Variants in BTBD9 observed in about 807,000 individuals in gnomAD.
The protein encoded by BTBD9 is BTB/POZ domain-containing protein 9.
BTBD9 carries 49 observed loss-of-function variants against 64.3 expected under a neutral mutation model. The observed-to-expected ratio is 0.76, with a 90% CI of 0.61 to 0.97. The LOEUF is 0.97. Among genes scored for constraint, BTBD9 ranks in the 50% least tolerant of loss-of-function variants. The probability of loss-of-function intolerance (pLI) is 0.00; values close to 1 mark genes in which losing one functional copy is unlikely to be tolerated. For missense variants in BTBD9, 598 were observed against 762.1 expected (o/e 0.78, Z 2.53); for synonymous variants, 260 against 274.7 (o/e 0.95, Z 0.53).
chr6:38,600,297 A>G (rs1258537193), intron 1 of BTBD9, among the ~76,000 whole-genome samples: 1 of 152,192 alleles, frequency 6.6e-6, no homozygotes, highest in Non-Finnish European at 1.5e-5. Flanking sequence ...CTCCAGTAAA[A>G]CTATTTCTAG....
At chr6:38,239,681 T>C (rs1391368886) in intron 9 of BTBD9, among the ~76,000 whole-genome samples, 1 of 152,124 alleles carries the variant, frequency 6.6e-6, no homozygotes, top group Non-Finnish European at 1.5e-5. Flanking sequence ...AGATTAACCA[T>C]GACACATTTT....
At chr6:38,500,907 C>T (rs1263393568) in intron 6 of BTBD9, among the ~76,000 whole-genome samples, 1 of 152,120 alleles carries the variant, frequency 6.6e-6, no homozygotes, top group African/African-American at 2.4e-5. Context: ...GATATATCTG[C>T]AAAGGTTCTG....
At chr6:38,518,589 G>C (rs1773143871) in intron 6 of BTBD9, among the ~76,000 whole-genome samples, 2 of 152,168 alleles carry the variant, frequency 1.3e-5, no homozygotes, top group African/African-American at 4.8e-5. Context: ...AATGATGGCA[G>C]AGTCTAAAAA....
intron 6 of BTBD9, among the ~76,000 whole-genome samples, chr6:38,424,317 T>C (rs900800874): frequency 6.6e-6 from 1 of 151,874 alleles, no homozygotes; most frequent in African/African-American, 2.4e-5. Flanking sequence ...ATTCAGTTTA[T>C]AAGAAACAAA....
At chr6:38,478,783 G>A (rs1288161007) in intron 6 of BTBD9, among the ~76,000 whole-genome samples, 1 of 152,160 alleles carries the variant, frequency 6.6e-6, no homozygotes, top group African/African-American at 2.4e-5. Flanking sequence ...AAAACTCAGA[G>A]GAAACTCTGG....
chr6:38,398,584 AC>A (rs1188828796), intron 6 of BTBD9, among the ~76,000 whole-genome samples: 1 of 152,162 alleles, frequency 6.6e-6, no homozygotes, highest in Non-Finnish European at 1.5e-5. Flanking sequence ...TCCTCTGTCT[AC>A]CTGCTCACTG....
At chr6:38,271,520 A>G (rs1212458337) in intron 8 of BTBD9, among the ~76,000 whole-genome samples, 2 of 152,196 alleles carry the variant, frequency 1.3e-5, no homozygotes, top group East Asian at 3.8e-4. Flanking sequence ...AGGCATTGGT[A>G]AGCCATGGCC....
intron 9 of BTBD9, among the ~76,000 whole-genome samples, chr6:38,221,700 T>C (rs1172371012): frequency 6.6e-6 from 1 of 152,194 alleles, no homozygotes; most frequent in African/African-American, 2.4e-5. Flanking sequence ...GTAAGAGATA[T>C]GATCTCAAAA....
chr6:38,214,494 C>T (rs370511149), intron 9 of BTBD9, among the ~76,000 whole-genome samples: 21 of 152,194 alleles, frequency 1.4e-4, no homozygotes, highest in African/African-American at 4.6e-4. Context: ...GATGCCAAGA[C>T]AGGCAGGGGG....
intron 7 of BTBD9, among the ~76,000 whole-genome samples, chr6:38,321,206 A>G (rs1307555385): frequency 6.6e-6 from 1 of 152,240 alleles, no homozygotes; most frequent in East Asian, 1.9e-4. Flanking sequence ...ATCACAACAT[A>G]TGAAACGAAT....
At chr6:38,354,543 T>C (rs1764642595) in intron 6 of BTBD9, among the ~76,000 whole-genome samples, 1 of 152,148 alleles carries the variant, frequency 6.6e-6, no homozygotes, top group Non-Finnish European at 1.5e-5. Flanking sequence ...TAAAGAAACC[T>C]CTGTTCCAGG....
intron 6 of BTBD9, among the ~76,000 whole-genome samples, chr6:38,367,057 C>T (rs1337229593): frequency 6.6e-6 from 1 of 152,114 alleles, no homozygotes; most frequent in Non-Finnish European, 1.5e-5. Context: ...CTATGAAAAC[C>T]CTCGCCCAAA....
intron 6 of BTBD9, among the ~76,000 whole-genome samples, chr6:38,374,320 T>TATAC (rs1554143587): frequency 1.7e-5 from 2 of 114,444 alleles, no homozygotes; most frequent in African/African-American, 6.9e-5. Context: ...TATATATATA[T>TATAC]ATATATGTAT....
chr6:38,625,664 A>G (rs896841199), intron 1 of BTBD9, among the ~76,000 whole-genome samples: 3 of 152,232 alleles, frequency 2.0e-5, no homozygotes, highest in African/African-American at 7.2e-5. Context: ...CCTAGAACAT[A>G]GAGCTGAAAA....
chr6:38,178,124 C>T (rs1761366261), intron 10 of BTBD9, among the ~76,000 whole-genome samples: 1 of 152,258 alleles, frequency 6.6e-6, no homozygotes. Flanking sequence ...GCATCTCCAC[C>T]AAGCCACGCA....
intron 6 of BTBD9, among the ~76,000 whole-genome samples, chr6:38,445,747 T>C (rs1018795659): frequency 3.3e-5 from 5 of 152,178 alleles, no homozygotes; most frequent in African/African-American, 1.2e-4. Flanking sequence ...CATCATCAGA[T>C]CTTAAAAATG....
intron 6 of BTBD9, among the ~76,000 whole-genome samples, chr6:38,509,885 T>A (rs758605993): frequency 6.6e-6 from 1 of 152,218 alleles, no homozygotes; most frequent in African/African-American, 2.4e-5. Context: ...CCCAGCTTCA[T>A]GTTTCATCAA....
chr6:38,354,630 C>T (rs887037021), intron 6 of BTBD9, among the ~76,000 whole-genome samples: 2 of 152,106 alleles, frequency 1.3e-5, no homozygotes, highest in East Asian at 3.8e-4. Context: ...ACCTATGCCA[C>T]ATACTATCCC....
intron 4 of BTBD9, chr6:38,587,818 G>T: frequency 1.4e-6 from 1 of 716,198 alleles, no homozygotes; most frequent in South Asian, 1.4e-5. Flanking sequence ...GGTTATGGCA[G>T]CAAGTATGTC....
Sources: allele counts gnomAD v4.1 joint callset (sites outside exome capture counted in the v4.1 genomes callset), GRCh38; gene constraint gnomAD v4.1.1; transcripts MANE v1.5; gene names NCBI Gene and HGNC (gene_info 2026-07-23, HGNC 2026-07-21).